Variants in PRKCQ observed in about 807,000 individuals in gnomAD.
PRKCQ encodes the protein protein kinase C theta.
Under a neutral mutation model 91.2 loss-of-function variants are expected in PRKCQ, and 41 were observed. The ratio of observed to expected loss-of-function variants is 0.45; its 90% CI spans 0.35 to 0.58. The LOEUF is 0.58. Ranked by LOEUF, PRKCQ falls within the 20% of genes least tolerant of loss-of-function variation. The probability of loss-of-function intolerance (pLI) is 0.00; values close to 1 mark genes in which losing one functional copy is unlikely to be tolerated. For synonymous variants in PRKCQ, 307 were observed against 316.9 expected (o/e 0.97, Z 0.33); for missense variants, 673 against 896.5 (o/e 0.75, Z 3.18).
At chr10:6,446,877 G>T (rs897600189) in intron 15 of PRKCQ, among the ~76,000 whole-genome samples, 3 of 152,144 alleles carry the variant, frequency 2.0e-5, no homozygotes, top group African/African-American at 7.2e-5. Context: ...TTCACCGAAC[G>T]ACGCCAGAGC....
intron 16 of PRKCQ, among the ~76,000 whole-genome samples, chr10:6,431,559 C>A (rs1833431387): frequency 6.6e-6 from 1 of 152,200 alleles, no homozygotes; most frequent in Non-Finnish European, 1.5e-5. Context: ...GGAACACATG[C>A]ACACACACGC....
intron 1 of PRKCQ, among the ~76,000 whole-genome samples, chr10:6,528,764 G>T (rs1254935793): frequency 6.6e-6 from 1 of 152,200 alleles, no homozygotes; most frequent in Non-Finnish European, 1.5e-5. Flanking sequence ...GTCTTTGAAG[G>T]TTAGGTCAGG....
At position 6,553,414 on chromosome 10, in the gene PRKCQ, CTGGAGG is replaced by C. The variant is rs773180632; in HGVS notation, c.-10+26791_-10+26796del. Among the ~76,000 whole-genome samples the C allele has an allele frequency of 3.3e-5, 5 of 149,976 alleles. No homozygotes were observed. In the South Asian group the frequency reaches 6.3e-4, roughly 19 times the overall value. On this transcript the variant is annotated intron_variant, in intron 1 of 17. Coordinates refer to ENST00000263125, the MANE Select transcript of PRKCQ (RefSeq NM_006257.5). ...CTGAGGTGGGAGGATCACCTGAGCCCTGGAGGTGGAGGTTGCAGAGAGCCGAGATAG... is the reference window on the plus strand; with the variant it reads ...CTGAGGTGGGAGGATCACCTGAGCCCTGGAGGTTGCAGAGAGCCGAGATAG...
At chr10:6,529,240 C>T (rs1227378711) in intron 1 of PRKCQ, among the ~76,000 whole-genome samples, 1 of 152,180 alleles carries the variant, frequency 6.6e-6, no homozygotes, top group Non-Finnish European at 1.5e-5. Context: ...CATTTTCTAA[C>T]CATGGTTAGG....
rs1564391742 is a variant in PRKCQ at position 6,556,433 on chromosome 10, G to GAA, written c.-10+23777_-10+23778insTT. On this transcript the variant is annotated intron_variant, in intron 1 of 17. Coordinates refer to ENST00000263125, the MANE Select transcript of PRKCQ (RefSeq NM_006257.5). ...AGCAACAAAGCAAGACCCTGTCTTG[G>GAA]GAAAAAAAAAAAAAAAAAAAAAGCA... 4.3e-5 allele frequency among the ~76,000 whole-genome samples: 4 copies of GAA among 93,470 alleles called. 2 individuals carry two copies. Among genetic ancestry groups the GAA allele is most frequent in the Admixed American group, 2.0e-4 (2 of 10,014 alleles). The allele number at this position is 93,470 out of a possible 152,430, so 61.3% of individuals were successfully genotyped here. A position where few individuals can be genotyped will look rare whatever the true frequency, so the allele number is the denominator to read the frequency against.
chr10:6,460,434 G>GTC (rs936685318), intron 14 of PRKCQ, among the ~76,000 whole-genome samples: 11 of 150,796 alleles, frequency 7.3e-5, no homozygotes, highest in South Asian at 2.1e-4. Context: ...TAAGATCTCT[G>GTC]TCTCTCTCTC....
chr10:6,497,201 C>T lies in PRKCQ; in HGVS notation c.574+19G>A, dbSNP rs376494878. 2.6e-5 allele frequency: 42 copies of T among 1,614,032 alleles called. No individual in the cohort carries two copies. The African/African-American group carries it at 4.9e-4, about 19-fold the overall frequency. On this transcript the variant is annotated intron_variant, in intron 6 of 17. Transcript: ENST00000263125. This position sits in a 1 kb window ranked among gnomAD's most constrained non-coding sequence, Gnocchi z 4.5. Reference sequence around the variant, plus strand: ...AATAAAAAGAATGATGGTAATGCAACCAAAACCCTCTTACTTACGTCGGCA... The same window carrying T: ...AATAAAAAGAATGATGGTAATGCAATCAAAACCCTCTTACTTACGTCGGCA...
intron 3 of PRKCQ, among the ~76,000 whole-genome samples, chr10:6,508,465 G>A (rs889235208): frequency 2.6e-5 from 4 of 152,190 alleles, no homozygotes; most frequent in African/African-American, 9.7e-5. Flanking sequence ...TAAGTCTTGG[G>A]AAATCTCTGA....
At chr10:6,511,603 A>T (rs1838481057) in intron 2 of PRKCQ, among the ~76,000 whole-genome samples, 1 of 152,214 alleles carries the variant, frequency 6.6e-6, no homozygotes, top group South Asian at 2.1e-4. Context: ...GTCCATCTCC[A>T]TGACCAACTA....
chr10:6,403,624 T>A, the PRKCQ span, among the ~76,000 whole-genome samples: 1 of 152,142 alleles, frequency 6.6e-6, no homozygotes. Flanking sequence ...AAAGGTGTTA[T>A]ATGGATGTTT....
the PRKCQ span, among the ~76,000 whole-genome samples, chr10:6,417,953 C>T: frequency 1.3e-5 from 2 of 152,246 alleles, no homozygotes; most frequent in East Asian, 3.9e-4. Flanking sequence ...CGCAGAGGCG[C>T]TATCTCCCAG....
rs767720547 is a variant in PRKCQ, at chr10:6,511,129, C to T, written c.184G>A (p.Ala62Thr). ...MYPPWDSTFD[A>T]HINKGRVMQI... ...ATGACTCTTCCCTTGTTGATATGGG[C>T]ATCAAAAGTGCTGTCCCAGGGTGGG... Residue 62 changes from alanine (A) to threonine (T), a missense_variant, in exon 3 of 18, where the codon GCC (alanine) becomes ACC (threonine). By Grantham distance (58) the Ala-to-Thr change is moderately conservative. Coordinates refer to ENST00000263125, the MANE Select transcript of PRKCQ (RefSeq NM_006257.5). 7 of 1,613,992 alleles carry T rather than the reference C, an allele frequency of 4.3e-6. No homozygotes were observed. Among genetic ancestry groups the T allele is most frequent in the East Asian group, 2.2e-5 (1 of 44,892 alleles).
At chr10:6,467,506 C>G (rs1204560968) in intron 12 of PRKCQ, among the ~76,000 whole-genome samples, 1 of 151,710 alleles carries the variant, frequency 6.6e-6, no homozygotes, top group Non-Finnish European at 1.5e-5. Context: ...TAGTCTAGAC[C>G]TCACGTCTTT....
At chr10:6,417,563 G>A in the PRKCQ span, among the ~76,000 whole-genome samples, 1 of 152,214 alleles carries the variant, frequency 6.6e-6, no homozygotes. Context: ...AACGATGCCA[G>A]CGTGATGCTC....
intron 12 of PRKCQ, among the ~76,000 whole-genome samples, chr10:6,467,276 A>G (rs1835702729): frequency 6.6e-6 from 1 of 151,356 alleles, no homozygotes; most frequent in Non-Finnish European, 1.5e-5. Context: ...CCACCTGCTG[A>G]GAGAGGATAC....
intron 1 of PRKCQ, among the ~76,000 whole-genome samples, chr10:6,553,977 A>AT (rs954626550): frequency 5.3e-5 from 8 of 151,376 alleles, no homozygotes; most frequent in Admixed American, 2.6e-4. Context: ...GAAACAGTAA[A>AT]AAAAAACAGA....
At chr10:6,578,330 G>A (rs2130991112) in intron 1 of PRKCQ, among the ~76,000 whole-genome samples, 1 of 152,324 alleles carries the variant, frequency 6.6e-6, no homozygotes, top group Non-Finnish European at 1.5e-5. Flanking sequence ...CCATCCCGAG[G>A]CACCACAGCA....
At chr10:6,519,489 C>T (rs547282311) in intron 1 of PRKCQ, among the ~76,000 whole-genome samples, 18 of 152,238 alleles carry the variant, frequency 1.2e-4, no homozygotes, top group Non-Finnish European at 2.1e-4. Flanking sequence ...TTGTTAGTCT[C>T]CCTAATAACA....
intron 16 of PRKCQ, among the ~76,000 whole-genome samples, chr10:6,436,133 T>G (rs1221814353): frequency 1.3e-5 from 2 of 152,112 alleles, no homozygotes; most frequent in Non-Finnish European, 1.5e-5. Context: ...AAGAACCTCT[T>G]TCACCCACCA....
Sources: gnomAD v4.1 joint callset for allele counts (sites outside exome capture counted in the v4.1 genomes callset) on GRCh38, gnomAD v4.1.1 for gene constraint, Gnocchi (gnomAD v3.1) non-coding constraint, MANE v1.5 for transcripts, NCBI Gene and HGNC (gene_info 2026-07-23, HGNC 2026-07-21) for gene names.